Variants in FAAH2 observed in about 807,000 individuals in gnomAD.
FAAH2 encodes the protein fatty-acid amide hydrolase 2.
A neutral mutation model predicts 36.9 loss-of-function variants in FAAH2; 60 were observed. The ratio of observed to expected loss-of-function variants is 1.63; its 90% confidence interval spans 1.32 to 2.02. The LOEUF is 2.02. Among genes scored for constraint, FAAH2 ranks in the 30% most tolerant of loss-of-function variants. The pLI is 0.00. For missense variants in FAAH2, 689 were observed against 397.5 expected, an observed-to-expected ratio of 1.73 and a Z score of -6.23; for synonymous variants, 214 against 143.8, an observed-to-expected ratio of 1.49 and a Z score of -3.49.
the FAAH2 span, among the ~76,000 whole-genome samples, chrX:57,149,495 T>G: frequency 1.8e-5 from 2 of 111,739 alleles, no homozygotes; most frequent in African/African-American, 3.3e-5. Flanking sequence ...GGAGGGTGTA[T>G]GTGTCGAGGA....
the FAAH2 span, among the ~76,000 whole-genome samples, chrX:57,191,630 G>A: frequency 8.9e-6 from 1 of 111,764 alleles, no homozygotes. Flanking sequence ...AGGTCTCATT[G>A]AAGTCTTTAG....
chrX:57,401,398 AG>A (rs1359624041), intron 7 of FAAH2, among the ~76,000 whole-genome samples: 1 of 111,584 alleles, frequency 9.0e-6, no homozygotes, highest in Non-Finnish European at 1.9e-5. Context: ...ACAGGGATGC[AG>A]AAAAAGGCAT....
intron 2 of FAAH2, among the ~76,000 whole-genome samples, chrX:57,293,825 T>A (rs2052056556): frequency 9.0e-6 from 1 of 110,837 alleles, no homozygotes; most frequent in Admixed American, 9.6e-5. Context: ...ACTAGGAGAC[T>A]GGAGAGGGTG....
chrX:57,471,661 T>C (rs1218845955), intron 10 of FAAH2, among the ~76,000 whole-genome samples: 4 of 111,771 alleles, frequency 3.6e-5, no homozygotes, highest in Admixed American at 2.9e-4. Flanking sequence ...AAAATGGCCA[T>C]ACTGCCCAAG....
chrX:57,365,455 G>A (rs1456022989), intron 5 of FAAH2, among the ~76,000 whole-genome samples: 1 of 111,501 alleles, frequency 9.0e-6, no homozygotes, highest in Non-Finnish European at 1.9e-5. Flanking sequence ...CCATTTGTAG[G>A]TGACATGCTC....
intron 10 of FAAH2, among the ~76,000 whole-genome samples, chrX:57,451,942 C>A (rs945653823): frequency 8.9e-6 from 1 of 112,616 alleles, no homozygotes; most frequent in Non-Finnish European, 1.9e-5. Context: ...AACATGCAAT[C>A]AACAATGTTT....
the FAAH2 span, among the ~76,000 whole-genome samples, chrX:57,253,952 G>A: frequency 9.0e-6 from 1 of 111,230 alleles, no homozygotes; most frequent in Admixed American, 9.6e-5. Flanking sequence ...ATAGGCTAAA[G>A]GTCCCAATTA....
At chrX:57,313,876 G>A (rs1033179120) in intron 3 of FAAH2, among the ~76,000 whole-genome samples, 1 of 110,906 alleles carries the variant, frequency 9.0e-6, no homozygotes, top group Non-Finnish European at 1.9e-5. Flanking sequence ...CTAATAGCAT[G>A]ACTTGAATAA....
chrX:57,404,834 C>T (rs1367006787), intron 7 of FAAH2, among the ~76,000 whole-genome samples: 2 of 112,153 alleles, frequency 1.8e-5, no homozygotes, highest in African/African-American at 6.5e-5. Context: ...TAGGGGCACA[C>T]GCATGGGTGA....
At chrX:57,472,956 GT>G (rs996491126) in intron 10 of FAAH2, among the ~76,000 whole-genome samples, 2 of 110,617 alleles carry the variant, frequency 1.8e-5, no homozygotes, top group South Asian at 7.4e-4. Flanking sequence ...GGTCTGTCAA[GT>G]TTTTTTCTAA....
At chrX:57,288,848 T>C (rs946558231) in intron 1 of FAAH2, among the ~76,000 whole-genome samples, 4 of 111,483 alleles carry the variant, frequency 3.6e-5, no homozygotes, top group African/African-American at 1.3e-4. Context: ...TTTTGGTAAC[T>C]AGCCATTTTT....
chrX:57,176,828 G>A, the FAAH2 span, among the ~76,000 whole-genome samples: 1 of 110,947 alleles, frequency 9.0e-6, no homozygotes, highest in Non-Finnish European at 1.9e-5. Context: ...TTTGGCTCTG[G>A]GTGTTTTCAG....
chrX:57,149,394 T>C, the FAAH2 span, among the ~76,000 whole-genome samples: 1 of 111,703 alleles, frequency 9.0e-6, no homozygotes, highest in South Asian at 3.8e-4. Flanking sequence ...TCCTGGACTT[T>C]TTTTGGTTGG....
the FAAH2 span, among the ~76,000 whole-genome samples, chrX:57,132,823 A>G: frequency 8.9e-6 from 1 of 112,218 alleles, no homozygotes; most frequent in African/African-American, 3.2e-5. Context: ...GCATTTTGAA[A>G]CCTACAGGGC....
chrX:57,316,230 G>C (rs1569252541), intron 3 of FAAH2, among the ~76,000 whole-genome samples: 1 of 111,376 alleles, frequency 9.0e-6, no homozygotes, highest in East Asian at 2.8e-4. Context: ...ACCAGAAATG[G>C]TATAAATAAA....
intron 1 of FAAH2, among the ~76,000 whole-genome samples, chrX:57,288,310 A>T (rs371201846): frequency 2.6e-3 from 254 of 97,420 alleles, no homozygotes; most frequent in African/African-American, 9.3e-3. Context: ...CTTTTCTACG[A>T]TCTAGCTCTG....
At chrX:57,177,643 A>G in the FAAH2 span, among the ~76,000 whole-genome samples, 1 of 38,483 alleles carries the variant, frequency 2.6e-5, no homozygotes, top group East Asian at 6.8e-4. Flanking sequence ...TGATGACTGA[A>G]AAAAAAAAAA....
At chrX:57,295,582 C>T (rs1269653155) in intron 2 of FAAH2, among the ~76,000 whole-genome samples, 1 of 111,999 alleles carries the variant, frequency 8.9e-6, no homozygotes, top group Admixed American at 9.4e-5. Context: ...CTGGGTTCAT[C>T]TCACTGGGGA....
chrX:57,139,459 CTTGT>C, the FAAH2 span, among the ~76,000 whole-genome samples: 9 of 110,956 alleles, frequency 8.1e-5, no homozygotes, highest in African/African-American at 2.0e-4. Context: ...TTTTTGTTTG[CTTGT>C]TTGTTTGTTT....
Sources: allele counts gnomAD v4.1 joint callset (sites outside exome capture counted in the v4.1 genomes callset), GRCh38; gene constraint gnomAD v4.1.1; transcripts MANE v1.5; gene names NCBI Gene and HGNC (gene_info 2026-07-23, HGNC 2026-07-21).